The following FANCC variants were observed in gnomAD, a reference collection of about 807,000 sequenced individuals.
The protein encoded by FANCC is Fanconi anemia group C protein.
Under a neutral mutation model 71.3 loss-of-function variants are expected in FANCC, and 55 were observed. The ratio of observed to expected loss-of-function variants is 0.77; its 90% CI spans 0.62 to 0.97. FANCC has a LOEUF of 0.97. Among genes scored for constraint, FANCC ranks in the 50% least tolerant of loss-of-function variants. The probability of loss-of-function intolerance (pLI) is 0.00; values close to 1 mark genes in which losing one functional copy is unlikely to be tolerated. For synonymous variants in FANCC, 275 were observed against 244.9 expected, an observed-to-expected ratio of 1.12 and a Z score of -1.15; for missense variants, 678 against 670.9, an observed-to-expected ratio of 1.01 and a Z score of -0.12.
chr9:95,272,918 A>C (rs75808974), intron 1 of FANCC, among the ~76,000 whole-genome samples: 1 of 152,140 alleles, frequency 6.6e-6, no homozygotes, highest in Admixed American at 6.5e-5. Flanking sequence ...GGTGATCAGC[A>C]TAACTCTTCA....
Position 95,137,562 on chromosome 9 carries a change from AAAG to A in FANCC, c.687-2063_687-2061del, listed in dbSNP as rs556617861. Among the ~76,000 whole-genome samples the A allele has an allele frequency of 2.0e-4, 30 of 152,304 alleles. No individual in the cohort carries two copies. The South Asian group carries it at 6.0e-3, about 31-fold the overall frequency. On this transcript the variant is annotated intron_variant, in intron 7 of 14. Coordinates refer to ENST00000289081, the MANE Select transcript of FANCC (RefSeq NM_000136.3). ...CTGGACATGCCATTTCCTCAGATGAAAAGAAGAGAAGAAATGATTTCTGGAGGA... is the reference window on the plus strand; with the variant it reads ...CTGGACATGCCATTTCCTCAGATGAAAAGAGAAGAAATGATTTCTGGAGGA...
intron 11 of FANCC, 85 bp downstream of exon 11, chr9:95,117,230 A>C (rs1279760694): frequency 1.7e-6 from 2 of 1,171,772 alleles, no homozygotes; most frequent in Non-Finnish European, 2.5e-6. Context: ...CATGCTGTAG[A>C]TAAGGGCCTG....
intron 1 of FANCC, among the ~76,000 whole-genome samples, chr9:95,250,021 G>A (rs1456935674): frequency 6.6e-6 from 1 of 152,154 alleles, no homozygotes; most frequent in Non-Finnish European, 1.5e-5. Flanking sequence ...TCCACTTACT[G>A]AGGAGGTATA....
At chr9:95,124,228 C>A (rs1825611755) in intron 10 of FANCC, among the ~76,000 whole-genome samples, 1 of 151,606 alleles carries the variant, frequency 6.6e-6, no homozygotes, top group Non-Finnish European at 1.5e-5. Flanking sequence ...GGAAGTCAAA[C>A]TGCGGAGAGC....
At chr9:95,271,344 A>C (rs1405411924) in intron 1 of FANCC, among the ~76,000 whole-genome samples, 5 of 152,222 alleles carry the variant, frequency 3.3e-5, no homozygotes, top group African/African-American at 1.2e-4. Context: ...CAGGATCCTG[A>C]GAGAAGGAGC....
At chr9:95,185,008 C>A (rs915260955) in intron 4 of FANCC, among the ~76,000 whole-genome samples, 1 of 152,224 alleles carries the variant, frequency 6.6e-6, no homozygotes, top group Non-Finnish European at 1.5e-5. Context: ...CACAGTTTCA[C>A]TGATAACTCT....
chr9:95,296,503 C>CT (rs4647381), intron 1 of FANCC, among the ~76,000 whole-genome samples: 28,848 of 148,334 alleles, frequency 0.19, 2,832 homozygotes, highest in East Asian at 0.31. Context: ...CTTTGTTAGG[C>CT]TTTTTTTTTT....
rs1193837044 is a variant in FANCC at position 95,099,909 on chromosome 9, AG to A, written c.*1797del. The A allele has an allele frequency of 1.3e-5, 3 of 233,150 alleles. No individual in the cohort carries two copies. The highest frequency in any genetic ancestry group is 6.6e-5 in the African/African-American group (3 of 45,408). The allele number at this position is 233,150 out of a possible 1,614,324, so 14.4% of individuals were successfully genotyped here. A position where few individuals can be genotyped will look rare whatever the true frequency, so the allele number is the denominator to read the frequency against. On this transcript the variant is annotated 3_prime_UTR_variant, in exon 15 of 15. Coordinates refer to ENST00000289081, the MANE Select transcript of FANCC (RefSeq NM_000136.3). ...ATGGGCAGAGGCCTGGCAGGGGAGG[AG>A]GAAGAGGCCAACCCTGTACACAGGA...
At chr9:95,189,627 T>C (rs1036891626) in intron 4 of FANCC, among the ~76,000 whole-genome samples, 5 of 152,198 alleles carry the variant, frequency 3.3e-5, no homozygotes, top group African/African-American at 1.2e-4. Flanking sequence ...TCTATAAGAA[T>C]GTATACAGAA....
chr9:95,243,594 C>T (rs1830758504), intron 3 of FANCC, among the ~76,000 whole-genome samples: 1 of 151,520 alleles, frequency 6.6e-6, no homozygotes, highest in Non-Finnish European at 1.5e-5. Context: ...ACCATCCTAG[C>T]TAACACGGTG....
chr9:95,281,818 A>C (rs1833399510), intron 1 of FANCC, among the ~76,000 whole-genome samples: 1 of 152,208 alleles, frequency 6.6e-6, no homozygotes, highest in East Asian at 1.9e-4. Context: ...TTTCTTTTCG[A>C]TCAAAGTTGC....
At chr9:95,156,812 C>T (rs948394679) in intron 6 of FANCC, among the ~76,000 whole-genome samples, 3 of 152,168 alleles carry the variant, frequency 2.0e-5, no homozygotes, top group East Asian at 1.9e-4. Context: ...CTGTCAACCA[C>T]GCTGCAGCCA....
At chr9:95,240,063 T>C (rs1288524672) in intron 4 of FANCC, among the ~76,000 whole-genome samples, 1 of 152,164 alleles carries the variant, frequency 6.6e-6, no homozygotes, top group African/African-American at 2.4e-5. Flanking sequence ...CAGGAGAAAG[T>C]AGAAGCAGAC....
intron 8 of FANCC, among the ~76,000 whole-genome samples, chr9:95,130,050 C>T (rs1384431025): frequency 6.6e-6 from 1 of 152,160 alleles, no homozygotes; most frequent in East Asian, 1.9e-4. Flanking sequence ...TAACCATGGT[C>T]TCAGTGCCTG....
intron 10 of FANCC, among the ~76,000 whole-genome samples, chr9:95,124,275 C>T (rs537984351): frequency 6.6e-6 from 1 of 152,206 alleles, no homozygotes; most frequent in East Asian, 1.9e-4. Context: ...AGATGAGATG[C>T]ACTGGACCAG....
intron 8 of FANCC, among the ~76,000 whole-genome samples, chr9:95,128,873 A>T (rs1176220402): frequency 2.0e-5 from 3 of 151,800 alleles, no homozygotes; most frequent in African/African-American, 7.3e-5. Context: ...CTGCAGAAAC[A>T]GCAACGGCAG....
intron 1 of FANCC, among the ~76,000 whole-genome samples, chr9:95,311,405 G>A (rs1835395982): frequency 6.6e-6 from 1 of 151,996 alleles, no homozygotes; most frequent in African/African-American, 2.4e-5. Flanking sequence ...CAACAAAAAG[G>A]AACCAGCCAT....
chr9:95,239,590 T>C (rs1399928746), intron 4 of FANCC, among the ~76,000 whole-genome samples: 1 of 152,240 alleles, frequency 6.6e-6, no homozygotes, highest in Non-Finnish European at 1.5e-5. Flanking sequence ...ATTTTGTTTC[T>C]TCAGCCTTGT....
In FANCC at chr9:95,141,279, T is replaced by A. The variant is rs1366310010; in HGVS notation, c.687-5777A>T. Among the ~76,000 whole-genome samples the A allele has an allele frequency of 8.5e-5, 10 of 117,632 alleles. No individual in the cohort carries two copies. The Admixed American group carries it at 1.2e-3, about 14-fold the overall frequency. 77.2% of individuals were successfully genotyped at this position (117,632 alleles called of 152,430 possible). ...GTGAGACATGACTGTACCACTGCAC[T>A]CTAGCCTGGGTGACAGAGTGAGACC... On this transcript the variant is annotated intron_variant, in intron 7 of 14. Transcript: ENST00000289081.
Sources: gnomAD v4.1 joint callset for allele counts (sites outside exome capture counted in the v4.1 genomes callset) on GRCh38, gnomAD v4.1.1 for gene constraint, MANE v1.5 for transcripts, NCBI Gene and HGNC (gene_info 2026-07-23, HGNC 2026-07-21) for gene names.